NELL2: variants seen among roughly 807,000 people sequenced by gnomAD.
The protein encoded by NELL2 is neural EGFL like 2.
Under a neutral mutation model 109.6 loss-of-function variants are expected in NELL2, and 41 were observed. The observed-to-expected ratio is 0.37, with a 90% CI of 0.29 to 0.49. NELL2 has a LOEUF of 0.49. Among genes scored for constraint, NELL2 ranks in the 20% least tolerant of loss-of-function variants. The probability of loss-of-function intolerance (pLI) is 0.98; values close to 1 mark genes in which losing one functional copy is unlikely to be tolerated. For missense variants in NELL2, 900 were observed against 1,008.3 expected, an observed-to-expected ratio of 0.89 and a Z score of 1.45; for synonymous variants, 355 against 344.7, an observed-to-expected ratio of 1.03 and a Z score of -0.33.
chr12:44,535,558 T>C (rs1006885083), intron 15 of NELL2, among the ~76,000 whole-genome samples: 5 of 152,024 alleles, frequency 3.3e-5, no homozygotes, highest in African/African-American at 1.2e-4. Flanking sequence ...AAAATCTGAA[T>C]TTACAATCAT....
At chr12:44,726,341 C>G (rs1427828893) in intron 9 of NELL2, among the ~76,000 whole-genome samples, 1 of 152,132 alleles carries the variant, frequency 6.6e-6, no homozygotes, top group Non-Finnish European at 1.5e-5. Context: ...TATTATCTGT[C>G]TATCTTTGTG....
intron 19 of NELL2, among the ~76,000 whole-genome samples, chr12:44,511,201 A>G (rs1483082053): frequency 6.6e-6 from 1 of 152,214 alleles, no homozygotes; most frequent in African/African-American, 2.4e-5. Context: ...AACCATATCA[A>G]TGGCAGCTCC....
intron 15 of NELL2, among the ~76,000 whole-genome samples, chr12:44,590,656 T>C (rs978366089): frequency 6.6e-6 from 1 of 152,098 alleles, no homozygotes. Flanking sequence ...ACTTTTGAGA[T>C]TAATAACAAC....
intron 3 of NELL2, among the ~76,000 whole-genome samples, chr12:44,799,593 G>A (rs1215963517): frequency 1.3e-5 from 2 of 151,894 alleles, no homozygotes; most frequent in Non-Finnish European, 2.9e-5. Context: ...TTCTTCTAAT[G>A]TCCGAAATGG....
At chr12:44,748,454 CCTAT>C (rs1289841621) in intron 9 of NELL2, among the ~76,000 whole-genome samples, 2 of 152,066 alleles carry the variant, frequency 1.3e-5, no homozygotes, top group Non-Finnish European at 2.9e-5. Context: ...AAATAAAGAT[CCTAT>C]CTAATGTATT....
chr12:44,512,709 G>A (rs1392958738), intron 19 of NELL2, among the ~76,000 whole-genome samples: 1 of 152,030 alleles, frequency 6.6e-6, no homozygotes, highest in Non-Finnish European at 1.5e-5. Context: ...TGTGAAATAA[G>A]CCAGGTGCAG....
At chr12:44,774,567 G>T in intron 9 of NELL2, 180 bp downstream of exon 9, 1 of 590,382 alleles carries the variant, frequency 1.7e-6, no homozygotes, top group Non-Finnish European at 3.0e-6. Flanking sequence ...TGGAATAGGG[G>T]CATAGCATTT....
At chr12:44,511,567 G>A (rs566368408) in intron 19 of NELL2, among the ~76,000 whole-genome samples, 71 of 152,224 alleles carry the variant, frequency 4.7e-4, no homozygotes, top group African/African-American at 1.5e-3. Context: ...AAATTGAGGG[G>A]GAAATATCTA....
At chr12:44,688,792 A>G (rs1948812562) in intron 12 of NELL2, among the ~76,000 whole-genome samples, 1 of 152,252 alleles carries the variant, frequency 6.6e-6, no homozygotes, top group Non-Finnish European at 1.5e-5. Context: ...CAAAGTGTGT[A>G]TTCACATACT....
At chr12:44,730,645 G>A (rs1262853712) in intron 9 of NELL2, among the ~76,000 whole-genome samples, 1 of 151,916 alleles carries the variant, frequency 6.6e-6, no homozygotes, top group Non-Finnish European at 1.5e-5. Flanking sequence ...GTAAAAAAGG[G>A]AAGTTTATAG....
Position 44,583,769 on chromosome 12 carries a change from A to ATATTTATT in NELL2, c.1663+23392_1663+23399dup, listed in dbSNP as rs976895524. On this transcript the variant is annotated intron_variant, in intron 15 of 19. Coordinates refer to ENST00000429094, the MANE Select transcript of NELL2 (RefSeq NM_001145108.2). ...CATCATGGCTCAAATACACTTCTAT[A>ATATTTATT]TATTTATTTATTTATTTATTTGAGA... is the stretch of plus-strand genomic sequence containing the variant. Among the ~76,000 whole-genome samples the ATATTTATT allele has an allele frequency of 2.0e-5, 3 of 151,954 alleles. No homozygotes were observed. The East Asian group carries it at 5.8e-4, about 29-fold the overall frequency.
chr12:44,821,662 GA>G (rs1391075516), intron 2 of NELL2, among the ~76,000 whole-genome samples: 1 of 151,952 alleles, frequency 6.6e-6, no homozygotes, highest in East Asian at 1.9e-4. Context: ...TCAAGTCAAA[GA>G]AACTACCACC....
At chr12:44,523,930 C>T (rs1211382362) in intron 16 of NELL2, among the ~76,000 whole-genome samples, 1 of 152,098 alleles carries the variant, frequency 6.6e-6, no homozygotes, top group African/African-American at 2.4e-5. Context: ...CATGAGATCC[C>T]TGCAGCATTT....
chr12:44,695,575 C>A (rs910383157), intron 12 of NELL2, among the ~76,000 whole-genome samples: 2 of 151,996 alleles, frequency 1.3e-5, no homozygotes, highest in Admixed American at 6.6e-5. Flanking sequence ...CACAGTGAGA[C>A]CCTGCCTCTA....
chr12:44,588,672 CTTTT>C (rs1426007618), intron 15 of NELL2, among the ~76,000 whole-genome samples: 1 of 152,140 alleles, frequency 6.6e-6, no homozygotes, highest in Non-Finnish European at 1.5e-5. Flanking sequence ...TGCTTTCTTT[CTTTT>C]TATTATGGTA....
At position 44,543,309 on chromosome 12, in the gene NELL2, T is replaced by C. The variant is rs368971477; in HGVS notation, c.1664-10588A>G. On this transcript the variant is annotated intron_variant, in intron 15 of 19. Coordinates refer to ENST00000429094, the MANE Select transcript of NELL2 (RefSeq NM_001145108.2). ...TCCAATCATCAGCAAATCCTATTAG[T>C]AATGTCTTTCAAATATATCTAGAAT... is the stretch of plus-strand genomic sequence containing the variant. 2.0e-5 allele frequency among the ~76,000 whole-genome samples: 3 copies of C among 152,282 alleles called. No individual in the cohort carries two copies. The East Asian group carries it at 5.8e-4, about 29-fold the overall frequency.
At chr12:44,708,024 C>T (rs1260414126) in intron 11 of NELL2, among the ~76,000 whole-genome samples, 1 of 152,028 alleles carries the variant, frequency 6.6e-6, no homozygotes, top group African/African-American at 2.4e-5. Context: ...GTCAATAAGC[C>T]TTAATGATCT....
At chr12:44,589,757 A>C (rs1944677409) in intron 15 of NELL2, among the ~76,000 whole-genome samples, 1 of 152,212 alleles carries the variant, frequency 6.6e-6, no homozygotes, top group Non-Finnish European at 1.5e-5. Flanking sequence ...ACAAAGGAAA[A>C]CCAAAATTTA....
chr12:44,873,968 ATTT>A (rs771578541), intron 2 of NELL2, among the ~76,000 whole-genome samples: 20 of 152,200 alleles, frequency 1.3e-4, no homozygotes, highest in Admixed American at 9.8e-4. Context: ...TTAAACAATA[ATTT>A]TTAAGCCAGA....
Sources: gnomAD v4.1 joint callset for allele counts (sites outside exome capture counted in the v4.1 genomes callset) on GRCh38, gnomAD v4.1.1 for gene constraint, MANE v1.5 for transcripts, NCBI Gene and HGNC (gene_info 2026-07-23, HGNC 2026-07-21) for gene names.